Variants in CLIP4 observed in about 807,000 individuals in gnomAD.
CLIP4 encodes the protein CAP-Gly domain containing linker protein family member 4.
Under a neutral mutation model 73.1 loss-of-function variants are expected in CLIP4, and 47 were observed. The ratio of observed to expected loss-of-function variants is 0.64; its 90% CI spans 0.51 to 0.82. The LOEUF (loss-of-function observed/expected upper bound fraction) is 0.82. CLIP4 is among the 40% of genes least tolerant of loss of function. The probability of loss-of-function intolerance (pLI) is 0.00; values close to 1 mark genes in which losing one functional copy is unlikely to be tolerated. For missense variants in CLIP4, 874 were observed against 852.9 expected (o/e 1.02, Z -0.31); for synonymous variants, 306 against 295.4 (o/e 1.04, Z -0.37).
At chr2:29,159,271 T>G (rs1460534927) in intron 11 of CLIP4, among the ~76,000 whole-genome samples, 1 of 152,132 alleles carries the variant, frequency 6.6e-6, no homozygotes, top group Non-Finnish European at 1.5e-5. Flanking sequence ...TGACTTACCC[T>G]CCATCCCATG....
intron 5 of CLIP4, among the ~76,000 whole-genome samples, chr2:29,134,967 G>A (rs532595205): frequency 5.3e-4 from 81 of 151,556 alleles, no homozygotes; most frequent in African/African-American, 1.9e-3. Flanking sequence ...GGTATTGGCC[G>A]TTTTTTTTCT....
At chr2:29,132,284 T>C in intron 4 of CLIP4, 39 bp downstream of exon 4, 2 of 1,473,096 alleles carry the variant, frequency 1.4e-6, no homozygotes, top group South Asian at 2.3e-5. Context: ...TTATGTCATC[T>C]GCACTTGTGC....
intron 15 of CLIP4, among the ~76,000 whole-genome samples, chr2:29,178,378 A>T (rs1214637707): frequency 6.6e-6 from 1 of 152,066 alleles, no homozygotes; most frequent in African/African-American, 2.4e-5. Context: ...ACGGGGTTTC[A>T]CCATGTTAGC....
intron 12 of CLIP4, among the ~76,000 whole-genome samples, chr2:29,161,031 A>G (rs1399422260): frequency 6.6e-6 from 1 of 151,966 alleles, no homozygotes; most frequent in African/African-American, 2.4e-5. Context: ...CTGGAGTGCA[A>G]TGGCATGATC....
At chr2:29,145,443 A>G (rs1666090826) in intron 8 of CLIP4, 76 bp downstream of exon 8, 10 of 1,254,146 alleles carry the variant, frequency 8.0e-6, no homozygotes, top group Admixed American at 2.2e-5. Flanking sequence ...GTTGTTAAAT[A>G]AAACTTTTCT....
intron 5 of CLIP4, 42 bp from the exon 6 acceptor site, chr2:29,135,506 G>A (rs909071100): frequency 2.1e-6 from 3 of 1,428,274 alleles, no homozygotes; most frequent in Non-Finnish European, 1.9e-6. Context: ...TGATAGCTAA[G>A]TTTAAACTTT....
At chr2:29,132,852 A>G (rs1222848557) in intron 4 of CLIP4, among the ~76,000 whole-genome samples, 1 of 152,194 alleles carries the variant, frequency 6.6e-6, no homozygotes, top group Non-Finnish European at 1.5e-5. Context: ...ATAATACAAA[A>G]TAAAATAAAG....
rs1216491487 is a variant in CLIP4, at chr2:29,178,953, C to G, written c.1797-2619C>G. 3.3e-5 allele frequency among the ~76,000 whole-genome samples: 5 copies of G among 152,188 alleles called. No homozygotes were observed. The East Asian group carries it at 9.6e-4, about 29-fold the overall frequency. ...GGGATTACAGGCACCTGCCACTGTG[C>G]CCTTCTAAGTTTTGTATTTTTTGTA... is the stretch of plus-strand genomic sequence containing the variant. On this transcript the variant is annotated intron_variant, in intron 15 of 15. Transcript: ENST00000320081.
At chr2:29,157,110 T>C in intron 10 of CLIP4, 94 bp from the exon 11 acceptor site, 1 of 1,075,022 alleles carries the variant, frequency 9.3e-7, no homozygotes. Flanking sequence ...TTGAGGAAGT[T>C]AAATGAAGAA....
At chr2:29,133,872 A>G in intron 5 of CLIP4, 56 bp downstream of exon 5, 1 of 1,370,666 alleles carries the variant, frequency 7.3e-7, no homozygotes, top group Non-Finnish European at 9.8e-7. Context: ...TAGTGGTGGC[A>G]TAAAAATTAT....
At chr2:29,148,179 C>T (rs1432308812) in intron 8 of CLIP4, among the ~76,000 whole-genome samples, 1 of 152,164 alleles carries the variant, frequency 6.6e-6, no homozygotes, top group East Asian at 1.9e-4. Flanking sequence ...CCCTTGACAG[C>T]CCTGGGAGCC....
Position 29,144,504 on chromosome 2 carries a change from A to G in CLIP4, c.885+559A>G, listed in dbSNP as rs780605918. Among the ~76,000 whole-genome samples the G allele has an allele frequency of 8.7e-4, 133 of 152,228 alleles. 3 individuals carry two copies. Among genetic ancestry groups the G allele is most frequent in the Middle Eastern group, 6.8e-3 (2 of 294 alleles). ...TTATTGCCAGTTGCTTTTTAAAAAT[A>G]TCTCATATGGGAGGTTTTCTTGTTT... On this transcript the variant is annotated intron_variant, in intron 7 of 15. Coordinates refer to ENST00000320081, the MANE Select transcript of CLIP4 (RefSeq NM_024692.6).
intron 2 of CLIP4, 74 bp downstream of exon 2, chr2:29,121,595 T>C: frequency 1.3e-6 from 2 of 1,501,490 alleles, no homozygotes; most frequent in Non-Finnish European, 9.0e-7. Context: ...TTTGCACTCA[T>C]AGTCTTTCTT....
chr2:29,147,972 C>T (rs1451775097), intron 8 of CLIP4, among the ~76,000 whole-genome samples: 1 of 152,178 alleles, frequency 6.6e-6, no homozygotes, highest in Non-Finnish European at 1.5e-5. Flanking sequence ...TTTAGCAACA[C>T]ATAGGGCAGA....
At chr2:29,116,372 A>T (rs990027218) in intron 1 of CLIP4, among the ~76,000 whole-genome samples, 3 of 152,246 alleles carry the variant, frequency 2.0e-5, no homozygotes, top group South Asian at 2.1e-4. Context: ...CTATGGGACA[A>T]TAACTTGCTG....
At chr2:29,114,563 A>G (rs1389333382), upstream of CLIP4, among the ~76,000 whole-genome samples, 1 of 152,196 alleles carries the variant, frequency 6.6e-6, no homozygotes, top group African/African-American at 2.4e-5. Flanking sequence ...CTTGGTGGGA[A>G]GACACTGTAA....
intron 6 of CLIP4, among the ~76,000 whole-genome samples, chr2:29,141,127 T>C (rs1665739539): frequency 6.6e-6 from 1 of 152,206 alleles, no homozygotes; most frequent in East Asian, 1.9e-4. Flanking sequence ...TTGCATGTAT[T>C]TGTGTGGTTT....
At chr2:29,117,442 C>G (rs1478589840) in intron 1 of CLIP4, among the ~76,000 whole-genome samples, 1 of 151,684 alleles carries the variant, frequency 6.6e-6, no homozygotes, top group East Asian at 1.9e-4. Flanking sequence ...CTCCCAGGTT[C>G]AAGCGATTGT....
At chr2:29,104,033 C>G (rs1668130969) in intron 1 of CLIP4, among the ~76,000 whole-genome samples, 1 of 152,004 alleles carries the variant, frequency 6.6e-6, no homozygotes, top group Non-Finnish European at 1.5e-5. Flanking sequence ...TAAACTGAGG[C>G]CCGCATCCCA....
Sources: gnomAD v4.1 joint callset for allele counts (sites outside exome capture counted in the v4.1 genomes callset) on GRCh38, gnomAD v4.1.1 for gene constraint, MANE v1.5 for transcripts, NCBI Gene and HGNC (gene_info 2026-07-23, HGNC 2026-07-21) for gene names.